Variants in RRM2 observed in about 807,000 individuals in gnomAD.
The protein encoded by RRM2 is ribonucleoside-diphosphate reductase subunit M2.
In RRM2, 6 loss-of-function variants were observed where a neutral mutation model predicts 45.9. The observed-to-expected ratio is 0.13, with a 90% confidence interval of 0.07 to 0.26. The LOEUF (loss-of-function observed/expected upper bound fraction) is 0.26, where lower values mean the gene tolerates loss of function less well. Ranked by LOEUF, RRM2 falls within the 10% of genes least tolerant of loss-of-function variation. The pLI is 1.00. For missense variants in RRM2, 343 were observed against 489.5 expected (o/e 0.70, Z 2.82); for synonymous variants, 177 against 173.0 (o/e 1.02, Z -0.18).
At chr2:10,207,602 G>A (rs1485728758) in intron 3 of RRM2, among the ~76,000 whole-genome samples, 1 of 152,056 alleles carries the variant, frequency 6.6e-6, no homozygotes, top group East Asian at 1.9e-4. Flanking sequence ...GCCCACATAG[G>A]CTCTTGTCTG....
At chr2:10,123,092 C>T (rs749060558) in intron 2 of RRM2, 35 bp downstream of exon 2, 1 of 1,520,358 alleles carries the variant, frequency 6.6e-7, no homozygotes, top group South Asian at 1.2e-5. Context: ...GGGCCAGGGA[C>T]GGCCTTGGGC....
intron 3 of RRM2, among the ~76,000 whole-genome samples, chr2:10,145,232 G>T (rs1223269336): frequency 6.6e-6 from 1 of 152,174 alleles, no homozygotes; most frequent in Non-Finnish European, 1.5e-5. Flanking sequence ...GCCAGGTCTG[G>T]AGGGGTTTTT....
At chr2:10,123,683 T>TGTAG in intron 3 of RRM2, 53 bp from the exon 4 acceptor site, 1 of 1,409,348 alleles carries the variant, frequency 7.1e-7, no homozygotes, top group Non-Finnish European at 1.0e-6. Flanking sequence ...GTGTGAGTCC[T>TGTAG]GTAGGCTTTA....
chr2:10,166,859 GTC>G (rs1663693471), intron 3 of RRM2, among the ~76,000 whole-genome samples: 2 of 152,320 alleles, frequency 1.3e-5, no homozygotes, highest in Admixed American at 1.3e-4. Context: ...TTTGCTCATG[GTC>G]TCTCTCTCAG....
intron 3 of RRM2, among the ~76,000 whole-genome samples, chr2:10,142,886 G>C (rs1273984992): frequency 6.6e-6 from 1 of 152,100 alleles, no homozygotes; most frequent in African/African-American, 2.4e-5. Context: ...TGTTTTGTTT[G>C]GTTTTGAGAC....
At chr2:10,201,160 AAAGAAAG>A (rs1301877711) in intron 3 of RRM2, among the ~76,000 whole-genome samples, 1 of 149,936 alleles carries the variant, frequency 6.7e-6, no homozygotes, top group Non-Finnish European at 1.5e-5. Flanking sequence ...AAAAAAAAAA[AAAGAAAG>A]AAAGAAAGAA....
intron 3 of RRM2, among the ~76,000 whole-genome samples, chr2:10,174,147 A>C (rs981379979): frequency 6.6e-6 from 1 of 152,194 alleles, no homozygotes; most frequent in African/African-American, 2.4e-5. Context: ...GGACATGGGG[A>C]GGAGGCGGCT....
In RRM2 at chr2:10,189,581, G is replaced by C. The variant is rs546388816; in HGVS notation, n.483-20730G>C. Among the ~76,000 whole-genome samples the C allele has an allele frequency of 2.7e-3, 411 of 152,350 alleles. 1 individual carries two copies. The highest frequency in any genetic ancestry group is 4.6e-3 in the Non-Finnish European group (315 of 68,030). On this transcript the variant is annotated intron_variant and non_coding_transcript_variant, in intron 3 of 3. Transcript: ENST00000381786. ...TGGCTGCTTTCTTTGGTCTGGGGGAGCTCAGGCCAGGGGCTGGTTAGAGTC... is the reference window on the plus strand; with the variant it reads ...TGGCTGCTTTCTTTGGTCTGGGGGACCTCAGGCCAGGGGCTGGTTAGAGTC...
At chr2:10,177,674 CCT>C (rs1317532685) in intron 3 of RRM2, among the ~76,000 whole-genome samples, 11 of 86,802 alleles carry the variant, frequency 1.3e-4, no homozygotes, top group Admixed American at 1.2e-3. Flanking sequence ...TTCCTTCCTT[CCT>C]TCCTTCCTTC....
intron 3 of RRM2, among the ~76,000 whole-genome samples, chr2:10,199,640 T>C (rs13024482): frequency 0.88 from 133,347 of 151,608 alleles, 58,651 homozygotes; most frequent in East Asian, 1. Flanking sequence ...ATTAGCTGGG[T>C]GTGGTGGCGG....
At chr2:10,166,525 T>C (rs1663686236) in intron 3 of RRM2, among the ~76,000 whole-genome samples, 1 of 152,154 alleles carries the variant, frequency 6.6e-6, no homozygotes, top group Admixed American at 6.5e-5. Context: ...TCTGGCAAAT[T>C]GGTGAGGGGT....
chr2:10,168,980 T>G (rs112647296), intron 3 of RRM2, among the ~76,000 whole-genome samples: 3,847 of 152,038 alleles, frequency 0.025, 178 homozygotes, highest in African/African-American at 0.088. Context: ...TAATATTTAT[T>G]TATTTATTTA....
chr2:10,209,243 G>A (rs1664716771), intron 3 of RRM2, among the ~76,000 whole-genome samples: 1 of 151,636 alleles, frequency 6.6e-6, no homozygotes, highest in African/African-American at 2.4e-5. Context: ...TTTTTAGTAG[G>A]GGTGGGGTTT....
rs749005405 is a variant in RRM2, at chr2:10,128,890, G to A, written c.841G>A (p.Val281Ile). 6.2e-7 allele frequency: 1 copy of A among 1,614,120 alleles called. No individual in the cohort carries two copies. Among genetic ancestry groups the A allele is most frequent in the East Asian group, 2.2e-5 (1 of 44,882 alleles). The stretch of plus-strand genomic sequence containing the variant: ...TGCTTGCCTGATGTTCAAACACCTG[G>A]TACACAAACCATCGGAGGAGAGAGT... ...DFACLMFKHL[V>I]HKPSEERVRE... Residue 281 changes from valine to isoleucine, a missense_variant, in exon 8 of 10, where the codon GTA (valine) becomes ATA (isoleucine). Val to Ile is a conservative substitution (Grantham distance 29, BLOSUM62 3). Transcript: ENST00000304567.
At chr2:10,123,219 G>T in intron 2 of RRM2, 162 bp downstream of exon 2, 1 of 1,276,706 alleles carries the variant, frequency 7.8e-7, no homozygotes, top group Non-Finnish European at 1.1e-6. Flanking sequence ...CCCATTTCCC[G>T]GTTCGGGCGT....
intron 3 of RRM2, among the ~76,000 whole-genome samples, chr2:10,150,787 T>TTC (rs1553324050): frequency 1.1e-3 from 166 of 148,164 alleles, no homozygotes; most frequent in Non-Finnish European, 2.1e-3. Flanking sequence ...TTTTTTTTTT[T>TTC]TTTGATGTGG....
rs1401290360 is a variant in RRM2 at position 10,171,405 on chromosome 2, A to G, written n.482+29030A>G. ...GGGTTTGGCTGCTGCTGTTGTCTGC[A>G]TCTCCCGCCTTCCTCCTGAGCCGTG... On this transcript the variant is annotated intron_variant and non_coding_transcript_variant, in intron 3 of 3. Transcript: ENST00000381786. This position sits in a 1 kb window ranked among gnomAD's most constrained non-coding sequence, Gnocchi z 4.1. Among the ~76,000 whole-genome samples, 4 of 152,184 alleles carry G rather than the reference A, an allele frequency of 2.6e-5. No individual in the cohort carries two copies. Among genetic ancestry groups the G allele is most frequent in the Non-Finnish European group, 5.9e-5 (4 of 68,024 alleles).
intron 3 of RRM2, among the ~76,000 whole-genome samples, chr2:10,149,290 G>T (rs1203204875): frequency 2.0e-5 from 3 of 152,098 alleles, no homozygotes; most frequent in Admixed American, 2.0e-4. Context: ...CACCATGCCC[G>T]GCTAATTTTG....
intron 3 of RRM2, among the ~76,000 whole-genome samples, chr2:10,151,597 CA>C (rs1663313628): frequency 6.6e-6 from 1 of 152,154 alleles, no homozygotes; most frequent in Admixed American, 6.6e-5. Context: ...CACACCTGGC[CA>C]CATTGCTGTT....
Sources: gnomAD v4.1 joint callset for allele counts (sites outside exome capture counted in the v4.1 genomes callset) on GRCh38, gnomAD v4.1.1 for gene constraint, Gnocchi (gnomAD v3.1) non-coding constraint, MANE v1.5 for transcripts, NCBI Gene and HGNC (gene_info 2026-07-23, HGNC 2026-07-21) for gene names.